Variants in DOCK3 observed in about 807,000 individuals in gnomAD.
The protein encoded by DOCK3 is dedicator of cytokinesis protein 3.
A neutral mutation model predicts 265.6 loss-of-function variants in DOCK3; 60 were observed. The observed-to-expected ratio is 0.23, with a 90% CI of 0.18 to 0.28. The LOEUF (loss-of-function observed/expected upper bound fraction) is 0.28. Among genes scored for constraint, DOCK3 ranks in the 10% least tolerant of loss-of-function variants. The pLI is 1.00. For synonymous variants in DOCK3, 881 were observed against 938.0 expected (o/e 0.94, Z 1.11); for missense variants, 1,981 against 2,594.3 (o/e 0.76, Z 5.14).
intron 10 of DOCK3, among the ~76,000 whole-genome samples, chr3:51,146,844 T>C (rs1199277763): frequency 2.0e-5 from 3 of 152,176 alleles, no homozygotes; most frequent in Non-Finnish European, 4.4e-5. Flanking sequence ...TAATGAAATA[T>C]AATCAAGTAC....
rs1350446086 is a variant in DOCK3, at chr3:51,383,094, C to T, written c.*1535C>T. The T allele has an allele frequency of 6.6e-6, 1 of 152,296 alleles. No homozygotes were observed. The highest frequency in any genetic ancestry group is 1.5e-5 in the Non-Finnish European group (1 of 68,066). 9.4% of individuals were successfully genotyped at this position (152,296 alleles called of 1,614,324 possible). On this transcript the variant is annotated 3_prime_UTR_variant, in exon 53 of 53. Transcript: ENST00000266037. ...GACCTCCACAGCCAGGCCCTGGGCCCAAGCCCCTTGTCCCTTCTCCACTGC... is the reference window on the plus strand; with the variant it reads ...GACCTCCACAGCCAGGCCCTGGGCCTAAGCCCCTTGTCCCTTCTCCACTGC...
rs369935831 is a variant in DOCK3 at position 51,049,920 on chromosome 3, C to T, written c.316-14528C>T. Among the ~76,000 whole-genome samples, 6 of 151,526 alleles carry T rather than the reference C, an allele frequency of 4.0e-5. No individual in the cohort carries two copies. In the South Asian group the frequency reaches 6.3e-4, roughly 16 times the overall value. On this transcript the variant is annotated intron_variant, in intron 5 of 52. Transcript: ENST00000266037. The stretch of plus-strand genomic sequence containing the variant: ...CAAATATCAGTTGCATGTCTGTGTA[C>T]TGATAAAGAAATATTTGAAATTAAG...
chr3:51,093,172 G>C (rs2082705190), intron 9 of DOCK3, among the ~76,000 whole-genome samples: 1 of 151,988 alleles, frequency 6.6e-6, no homozygotes, highest in South Asian at 2.1e-4. Flanking sequence ...GCTCTTTTTT[G>C]GTTCCATATG....
chr3:51,272,651 C>T lies in DOCK3; in HGVS notation c.2548+1644C>T, dbSNP rs145400848. Among the ~76,000 whole-genome samples the T allele has an allele frequency of 3.3e-5, 5 of 152,068 alleles. No individual in the cohort carries two copies. The East Asian group carries it at 9.7e-4, about 29-fold the overall frequency. On this transcript the variant is annotated intron_variant, in intron 24 of 52. Transcript: ENST00000266037. ...CCCACTGCTACACACATTTGTAATA[C>T]TAAATAGATGTTCCCTTTGACTTAG...
chr3:50,940,637 T>C (rs2076267194), intron 5 of DOCK3, among the ~76,000 whole-genome samples: 1 of 152,076 alleles, frequency 6.6e-6, no homozygotes, highest in Admixed American at 6.6e-5. Flanking sequence ...GTTAAACAAT[T>C]TTGAAAAGAA....
At chr3:51,067,506 G>A (rs143110340) in intron 6 of DOCK3, among the ~76,000 whole-genome samples, 7 of 150,114 alleles carry the variant, frequency 4.7e-5, no homozygotes, top group African/African-American at 1.7e-4. Context: ...AAGCAAAAAT[G>A]AAAAACACAG....
intron 9 of DOCK3, among the ~76,000 whole-genome samples, chr3:51,095,350 G>A (rs1353191929): frequency 1.3e-5 from 2 of 152,144 alleles, no homozygotes; most frequent in Non-Finnish European, 2.9e-5. Flanking sequence ...TGTAAGGCAG[G>A]CTTGGTGGTG....
At chr3:50,930,895 G>A (rs994071489) in intron 4 of DOCK3, among the ~76,000 whole-genome samples, 5 of 152,178 alleles carry the variant, frequency 3.3e-5, no homozygotes, top group African/African-American at 9.6e-5. Flanking sequence ...CCCCCGAAGC[G>A]TGGCCCCAAG....
chr3:51,055,205 G>GT lies in DOCK3; in HGVS notation c.316-9242dup, dbSNP rs2081151836. Among the ~76,000 whole-genome samples the GT allele has an allele frequency of 2.0e-5, 3 of 152,234 alleles. No homozygotes were observed. In the East Asian group the frequency reaches 5.8e-4, roughly 29 times the overall value. On this transcript the variant is annotated intron_variant, in intron 5 of 52. Coordinates refer to ENST00000266037, the MANE Select transcript of DOCK3 (RefSeq NM_004947.5). ...AATCTTCTCCATTCTTCATATGCAG[G>GT]TATCAGCCTGGTTGTTAACATCTGG...
chr3:51,313,945 C>A (rs1488530166), intron 31 of DOCK3, among the ~76,000 whole-genome samples: 1 of 152,184 alleles, frequency 6.6e-6, no homozygotes, highest in Non-Finnish European at 1.5e-5. Context: ...AGCCTCAGGG[C>A]TAAACATTTG....
intron 1 of DOCK3, among the ~76,000 whole-genome samples, chr3:50,735,233 C>T (rs9825535): frequency 0.75 from 114,615 of 152,158 alleles, 44,368 homozygotes; most frequent in Middle Eastern, 0.88. Context: ...TTGCTTTCAA[C>T]GTTCTTTGAC....
intron 1 of DOCK3, among the ~76,000 whole-genome samples, chr3:50,747,986 A>G (rs1283055256): frequency 1.3e-5 from 2 of 152,192 alleles, no homozygotes; most frequent in Non-Finnish European, 2.9e-5. Flanking sequence ...CTCTTATTCT[A>G]GTAACTGTTT....
chr3:51,227,964 A>G lies in DOCK3; in HGVS notation c.1541-18A>G, dbSNP rs2090399781. On this transcript the variant is annotated intron_variant, in intron 16 of 52. Coordinates refer to ENST00000266037, the MANE Select transcript of DOCK3 (RefSeq NM_004947.5). Reference sequence around the variant, plus strand: ...GAGTGGAAGGCAAAAAACAACTAATACTTGGCTCTGATTACAGCAAAGGAC... The same window carrying G: ...GAGTGGAAGGCAAAAAACAACTAATGCTTGGCTCTGATTACAGCAAAGGAC... The G allele has an allele frequency of 6.2e-7, 1 of 1,612,616 alleles. No homozygotes were observed. Among genetic ancestry groups the G allele is most frequent in the African/African-American group, 1.3e-5 (1 of 74,896 alleles).
chr3:50,794,137 G>A (rs2042640064), intron 2 of DOCK3, among the ~76,000 whole-genome samples: 1 of 152,170 alleles, frequency 6.6e-6, no homozygotes, highest in Admixed American at 6.5e-5. Context: ...TTGCTGAGGA[G>A]TGTTTTGTGT....
intron 12 of DOCK3, among the ~76,000 whole-genome samples, chr3:51,185,183 T>G (rs930681598): frequency 6.6e-6 from 1 of 152,062 alleles, no homozygotes; most frequent in Non-Finnish European, 1.5e-5. Context: ...TCTGAAAAAT[T>G]TGAATAAAGT....
chr3:51,180,945 A>G (rs2087256124), intron 12 of DOCK3, among the ~76,000 whole-genome samples: 1 of 152,214 alleles, frequency 6.6e-6, no homozygotes, highest in African/African-American at 2.4e-5. Flanking sequence ...CAGAGAAGTT[A>G]CTACTTCTCC....
At position 51,016,931 on chromosome 3, in the gene DOCK3, T is replaced by TATAA. The variant is rs2079361637; in HGVS notation, c.316-47516_316-47515insTAAA. 2.0e-5 allele frequency among the ~76,000 whole-genome samples: 2 copies of TATAA among 99,412 alleles called. 1 individual carries two copies. The highest frequency in any genetic ancestry group is 9.0e-5 in the African/African-American group (2 of 22,340). The allele number at this position is 99,412 out of a possible 152,430, so 65.2% of individuals were successfully genotyped here. A position where few individuals can be genotyped will look rare whatever the true frequency, so the allele number is the denominator to read the frequency against. On this transcript the variant is annotated intron_variant, in intron 5 of 52. Transcript: ENST00000266037. ...GTTTATATATAAATATATTAATATATACAATATATGTTATATATAATATAT... is the reference window on the plus strand; with the variant it reads ...GTTTATATATAAATATATTAATATATATAAACAATATATGTTATATATAATATAT...
intron 9 of DOCK3, among the ~76,000 whole-genome samples, chr3:51,134,205 T>C (rs192672085): frequency 9.9e-4 from 151 of 152,244 alleles, no homozygotes; most frequent in African/African-American, 3.5e-3. Flanking sequence ...GTTGATTCCC[T>C]GTCTTTGCTA....
chr3:51,112,942 G>A lies in DOCK3; in HGVS notation c.746+22558G>A, dbSNP rs980365115. On this transcript the variant is annotated intron_variant, in intron 9 of 52. Transcript: ENST00000266037. ...TGCTACATCTAAAAGGTATTAAGAG[G>A]GTATTATAAGTAATTTGTTACTAAT... Among the ~76,000 whole-genome samples the A allele has an allele frequency of 4.0e-5, 6 of 151,758 alleles. No individual in the cohort carries two copies. The South Asian group carries it at 6.2e-4, about 16-fold the overall frequency.
Sources: gnomAD v4.1 joint callset for allele counts (sites outside exome capture counted in the v4.1 genomes callset) on GRCh38, gnomAD v4.1.1 for gene constraint, MANE v1.5 for transcripts, NCBI Gene and HGNC (gene_info 2026-07-23, HGNC 2026-07-21) for gene names.